ZFR2: variants seen among roughly 807,000 people sequenced by gnomAD.
The protein encoded by ZFR2 is zinc finger RNA-binding protein 2.
A neutral mutation model predicts 105.7 loss-of-function variants in ZFR2; 104 were observed. The observed-to-expected ratio is 0.98, with a 90% confidence interval of 0.84 to 1.16. The LOEUF (loss-of-function observed/expected upper bound fraction) is 1.16, where lower values mean the gene tolerates loss of function less well. Ranked by LOEUF, ZFR2 falls within the 50% of genes most tolerant of loss-of-function variation. The pLI, the probability that ZFR2 is intolerant of heterozygous loss-of-function variation, is 0.00. For synonymous variants in ZFR2, 634 were observed against 597.7 expected (o/e 1.06, Z -0.89); for missense variants, 1,425 against 1,355.5 (o/e 1.05, Z -0.80).
chr19:3,811,191 C>T (rs917069522), intron 15 of ZFR2, 81 bp downstream of exon 15: 32 of 1,367,566 alleles, frequency 2.3e-5, no homozygotes, highest in Admixed American at 2.7e-5. Context: ...CTGAGGCGGC[C>T]GCGCCGGGTT....
chr19:3,847,315 G>A (rs1311350566), intron 1 of ZFR2, among the ~76,000 whole-genome samples: 1 of 152,092 alleles, frequency 6.6e-6, no homozygotes, highest in East Asian at 1.9e-4. Flanking sequence ...CTTAAGCCCA[G>A]GGGTTCTAGA....
intron 16 of ZFR2, 29 bp from the exon 17 acceptor site, chr19:3,809,012 GT>G (rs772081899): frequency 2.7e-6 from 4 of 1,506,972 alleles, no homozygotes; most frequent in Middle Eastern, 4.2e-4. Flanking sequence ...CAGTTGCTGT[GT>G]TTTGGGCGCG....
chr19:3,863,744 G>C (rs934144726), intron 1 of ZFR2, among the ~76,000 whole-genome samples: 1 of 152,176 alleles, frequency 6.6e-6, no homozygotes, highest in South Asian at 2.1e-4. Flanking sequence ...GTCAGGGCTG[G>C]GTTCCACACC....
At chr19:3,833,256 A>C (rs1282719455) in intron 3 of ZFR2, among the ~76,000 whole-genome samples, 1 of 146,284 alleles carries the variant, frequency 6.8e-6, no homozygotes, top group Non-Finnish European at 1.5e-5. Flanking sequence ...CTCAAAAAAA[A>C]AAAAAAAAAA....
intron 1 of ZFR2, among the ~76,000 whole-genome samples, chr19:3,863,362 C>T (rs929993435): frequency 2.0e-5 from 3 of 152,126 alleles, no homozygotes; most frequent in Admixed American, 6.5e-5. Flanking sequence ...GTTGGGTCAC[C>T]GTTACTTTCC....
chr19:3,832,692 C>A (rs1205712187), intron 3 of ZFR2, among the ~76,000 whole-genome samples: 1 of 151,096 alleles, frequency 6.6e-6, no homozygotes, highest in East Asian at 2.0e-4. Flanking sequence ...GGCTGGAGTG[C>A]AGTGGTGCGA....
intron 12 of ZFR2, among the ~76,000 whole-genome samples, chr19:3,818,558 A>C (rs942760706): frequency 2.0e-5 from 3 of 152,212 alleles, no homozygotes; most frequent in African/African-American, 7.2e-5. Flanking sequence ...CGCTCAGATG[A>C]GTTATCTCCA....
intron 3 of ZFR2, among the ~76,000 whole-genome samples, chr19:3,832,135 A>C (rs1366747340): frequency 6.6e-6 from 1 of 152,062 alleles, no homozygotes; most frequent in African/African-American, 2.4e-5. Context: ...CTGCATCTCC[A>C]GCTCCATCAC....
chr19:3,816,345 A>C (rs932556748), intron 13 of ZFR2, among the ~76,000 whole-genome samples: 1 of 147,014 alleles, frequency 6.8e-6, no homozygotes, highest in Non-Finnish European at 1.5e-5. Flanking sequence ...TCCGGGATTT[A>C]AGTGATTCTC....
At position 3,838,651 on chromosome 19, in the gene ZFR2, C is replaced by A. The variant is rs1389155387; in HGVS notation, c.54-3668G>T. Reference sequence around the variant, plus strand: ...ACAGCCACATCCCACCGATCCCATCCCCCCGTGTCTATGGCTCCCGTCCCC... The same window carrying A: ...ACAGCCACATCCCACCGATCCCATCACCCCGTGTCTATGGCTCCCGTCCCC... On this transcript the variant is annotated intron_variant, in intron 1 of 18. Transcript: ENST00000262961. This position sits in a 1 kb window ranked among gnomAD's most constrained non-coding sequence, Gnocchi z 4.9. 6.6e-6 allele frequency among the ~76,000 whole-genome samples: 1 copy of A among 152,196 alleles called. No homozygotes were observed. The highest frequency in any genetic ancestry group is 1.5e-5 in the Non-Finnish European group (1 of 68,038).
intron 1 of ZFR2, chr19:3,855,448 T>A: frequency 2.4e-6 from 3 of 1,231,698 alleles, no homozygotes; most frequent in Non-Finnish European, 3.0e-6. Flanking sequence ...GGCAGATTCA[T>A]TGAGTCATTG....
intron 1 of ZFR2, among the ~76,000 whole-genome samples, chr19:3,845,030 G>A (rs557202251): frequency 1.3e-5 from 2 of 152,098 alleles, no homozygotes; most frequent in South Asian, 4.2e-4. Context: ...TCACAGTTCT[G>A]GAGCGTGGAT....
intron 17 of ZFR2, among the ~76,000 whole-genome samples, chr19:3,807,695 C>A (rs894728574): frequency 3.6e-5 from 5 of 139,078 alleles, no homozygotes; most frequent in South Asian, 4.7e-4. Flanking sequence ...GTGCATGCAC[C>A]CATGTGTGTC....
chr19:3,831,917 C>T (rs1227963523), intron 3 of ZFR2, 39 bp from the exon 4 acceptor site: 4 of 1,472,522 alleles, frequency 2.7e-6, no homozygotes, highest in Non-Finnish European at 2.7e-6. Context: ...AGCCAACCCC[C>T]ACCCCACTGT....
chr19:3,867,306 G>T (rs1027731058), intron 1 of ZFR2, among the ~76,000 whole-genome samples: 1 of 150,872 alleles, frequency 6.6e-6, no homozygotes, highest in Admixed American at 6.6e-5. Context: ...TCAACTGTTG[G>T]GGGGGGAATC....
At chr19:3,860,454 C>T (rs567747325) in intron 1 of ZFR2, among the ~76,000 whole-genome samples, 6 of 152,128 alleles carry the variant, frequency 3.9e-5, no homozygotes, top group Admixed American at 6.5e-5. Context: ...CACCATAGGG[C>T]GGCAGGTTCT....
chr19:3,821,760 C>T (rs1305472064), intron 9 of ZFR2, among the ~76,000 whole-genome samples: 20 of 151,754 alleles, frequency 1.3e-4, no homozygotes, highest in African/African-American at 4.1e-4. Context: ...ATTACAGGTG[C>T]GCACCACCAC....
chr19:3,810,903 C>T (rs1202423582), intron 15 of ZFR2, 58 bp from the exon 16 acceptor site: 21 of 1,529,346 alleles, frequency 1.4e-5, no homozygotes, highest in Middle Eastern at 3.4e-4. Flanking sequence ...CACGGCATGG[C>T]GCCGGGCTCT....
At chr19:3,833,369 G>A (rs1205620199) in intron 3 of ZFR2, among the ~76,000 whole-genome samples, 1 of 152,106 alleles carries the variant, frequency 6.6e-6, no homozygotes, top group Non-Finnish European at 1.5e-5. Context: ...GAGGTCAGGA[G>A]ATGGAGACCA....
Sources: allele counts gnomAD v4.1 joint callset (sites outside exome capture counted in the v4.1 genomes callset), GRCh38; gene constraint gnomAD v4.1.1; non-coding constraint Gnocchi (gnomAD v3.1); transcripts MANE v1.5; gene names NCBI Gene and HGNC (gene_info 2026-07-23, HGNC 2026-07-21).